THY1: variants seen among roughly 807,000 people sequenced by gnomAD.
The protein encoded by THY1 is thy-1 membrane glycoprotein.
A neutral mutation model predicts 14.9 loss-of-function variants in THY1; 10 were observed. That is an observed-to-expected ratio of 0.67 (90% CI 0.41 to 1.14). THY1 has a LOEUF of 1.14. THY1 is among the 50% of genes most tolerant of loss of function. The pLI is 0.00. For missense variants in THY1, 159 were observed against 202.1 expected, an observed-to-expected ratio of 0.79 and a Z score of 1.29; for synonymous variants, 80 against 90.0, an observed-to-expected ratio of 0.89 and a Z score of 0.63.
chr11:119,418,182 T>A lies in THY1; in HGVS notation c.*1226A>T, dbSNP rs1861815056. 6.6e-6 allele frequency: 1 copy of A among 152,558 alleles called. No homozygotes were observed. The highest frequency in any genetic ancestry group is 1.5e-5 in the Non-Finnish European group (1 of 68,348). The allele number at this position is 152,558 out of a possible 1,614,324, so 9.5% of individuals were successfully genotyped here. On this transcript the variant is annotated 3_prime_UTR_variant, in exon 4 of 4. Coordinates refer to ENST00000284240, the MANE Select transcript of THY1 (RefSeq NM_006288.5). Reference sequence around the variant, plus strand: ...AGGCCAGGTGGACACGAGGACAGATTCCAGAGGCTTGGTTTTATTGTGCAG... The same window carrying A: ...AGGCCAGGTGGACACGAGGACAGATACCAGAGGCTTGGTTTTATTGTGCAG...
chr11:119,421,022 A>AT, intron 1 of THY1, 93 bp from the exon 2 acceptor site: 8 of 1,102,612 alleles, frequency 7.3e-6, no homozygotes, highest in Non-Finnish European at 1.1e-5. Context: ...TGGCTATGGC[A>AT]GTCATCTAAG....
rs947970647 is a variant in THY1, at chr11:119,418,789, G to T, written c.*619C>A. On this transcript the variant is annotated 3_prime_UTR_variant, in exon 4 of 4. Transcript: ENST00000284240. ...AGGCCTCTGAGGGACTTCCACAGTG[G>T]TAAGGAGGGCTGCCCTTTTTATTTT... The T allele has an allele frequency of 6.2e-6, 1 of 160,698 alleles. No homozygotes were observed. Among genetic ancestry groups the T allele is most frequent in the Non-Finnish European group, 1.4e-5 (1 of 73,202 alleles). 10.0% of individuals were successfully genotyped at this position (160,698 alleles called of 1,614,324 possible).
chr11:119,418,397 C>A lies in THY1; in HGVS notation c.*1011G>T, dbSNP rs912145100. 6.6e-6 allele frequency: 1 copy of A among 152,326 alleles called. No homozygotes were observed. The highest frequency in any genetic ancestry group is 1.5e-5 in the Non-Finnish European group (1 of 68,120). The allele number at this position is 152,326 out of a possible 1,614,324, so 9.4% of individuals were successfully genotyped here. A position where few individuals can be genotyped will look rare whatever the true frequency, so the allele number is the denominator to read the frequency against. On this transcript the variant is annotated 3_prime_UTR_variant, in exon 4 of 4. Coordinates refer to ENST00000284240, the MANE Select transcript of THY1 (RefSeq NM_006288.5). ...TCCCTGAGAAGGCAGGCCTGCGGGG[C>A]AGGGGGCTGTCTGAGGGGCTCAGGC...
intron 1 of THY1, 87 bp downstream of exon 1, chr11:119,423,026 G>A (rs1382997465): frequency 4.4e-6 from 2 of 455,830 alleles, no homozygotes; most frequent in South Asian, 1.5e-5. Context: ...CCCTCGGACC[G>A]TGGCCCGAAG....
intron 2 of THY1, 37 bp from the exon 3 acceptor site, chr11:119,420,423 C>T: frequency 6.4e-7 from 1 of 1,559,938 alleles, no homozygotes; most frequent in Non-Finnish European, 8.6e-7. Context: ...CTGGAGGGGC[C>T]TGCGGCACAG....
At chr11:119,419,632 A>G (rs888072454) in intron 3 of THY1, 112 bp from the exon 4 acceptor site, 35 of 813,606 alleles carry the variant, frequency 4.3e-5, no homozygotes, top group African/African-American at 1.0e-4. Flanking sequence ...GGGTACTGCA[A>G]TGTCTTAGCT....
In THY1 at chr11:119,419,069, T is replaced by C; in HGVS notation, c.*339A>G. ...AGTGGCTGGTACCCCACCATCCCAC[T>C]ACCCCTCACATGCTCTCACTCTCCA... On this transcript the variant is annotated 3_prime_UTR_variant, in exon 4 of 4. Coordinates refer to ENST00000284240, the MANE Select transcript of THY1 (RefSeq NM_006288.5). 2 of 357,640 alleles carry C rather than the reference T, an allele frequency of 5.6e-6. No individual in the cohort carries two copies. The highest frequency in any genetic ancestry group is 4.4e-5 in the South Asian group (2 of 45,528). The allele number at this position is 357,640 out of a possible 1,614,324, so 22.2% of individuals were successfully genotyped here.
chr11:119,420,823 G>C (rs1565326696), intron 2 of THY1, 46 bp downstream of exon 2: 1 of 1,612,724 alleles, frequency 6.2e-7, no homozygotes, highest in East Asian at 2.2e-5. Context: ...CTGGAGGGAA[G>C]GAAGCCAGGG....
intron 1 of THY1, 121 bp from the exon 2 acceptor site, chr11:119,421,050 C>T: frequency 2.5e-6 from 2 of 810,156 alleles, no homozygotes; most frequent in Non-Finnish European, 2.0e-6. Flanking sequence ...CTCCATTCCC[C>T]CTCTCGTCCC....
chr11:119,421,604 T>C (rs1429512), intron 1 of THY1: 36,735 of 152,202 alleles, frequency 0.24, 4,920 homozygotes, highest in Admixed American at 0.31. Flanking sequence ...GAATCTTACA[T>C]ACCCACCGGG....
rs1861762730 is a variant in THY1, at chr11:119,415,795, G to A, written c.*3613C>T. On this transcript the variant is annotated 3_prime_UTR_variant, in exon 4 of 4. Coordinates refer to ENST00000284240, the MANE Select transcript of THY1 (RefSeq NM_006288.5). Reference sequence around the variant, plus strand: ...CATTCCAGGCCTGAGAGTGTCCTGAGGCTGAGAGCCCCTGTTGAGCAGAAG... The same window carrying A: ...CATTCCAGGCCTGAGAGTGTCCTGAAGCTGAGAGCCCCTGTTGAGCAGAAG... Among the ~76,000 whole-genome samples, 1 of 152,218 alleles carries A rather than the reference G, an allele frequency of 6.6e-6. No individual in the cohort carries two copies. The highest frequency in any genetic ancestry group is 1.5e-5 in the Non-Finnish European group (1 of 68,038).
chr11:119,420,797 G>A (rs988560764), intron 2 of THY1, 72 bp downstream of exon 2: 3 of 1,574,800 alleles, frequency 1.9e-6, no homozygotes, highest in East Asian at 2.2e-5. Flanking sequence ...GAGACTGTGA[G>A]GGAGAAGCTG....
chr11:119,420,712 G>A (rs188429437), intron 2 of THY1, 157 bp downstream of exon 2: 18 of 935,416 alleles, frequency 1.9e-5, no homozygotes, highest in East Asian at 1.2e-4. Context: ...ACCTCAGGCC[G>A]TCAGAATATC....
Position 119,420,083 on chromosome 11 carries a change from G to T in THY1, c.341C>A (p.Pro114His). Residue 114 changes from proline (P) to histidine (H), a missense_variant, in exon 3 of 4, where the codon CCC becomes CAC. Pro to His is a moderately conservative substitution (Grantham distance 77). Coordinates refer to ENST00000284240, the MANE Select transcript of THY1 (RefSeq NM_006288.5). ...CALHHSGHSP[P>H]ISSQNVTVLR... is the part of the protein sequence containing the mutation. Reference sequence around the variant, plus strand: ...CACTGTGACGTTCTGGGAGGAGATGGGTGGGGAATGGCCAGAGTGGTGGAG... The same window carrying T: ...CACTGTGACGTTCTGGGAGGAGATGTGTGGGGAATGGCCAGAGTGGTGGAG... The T allele has an allele frequency of 6.2e-7, 1 of 1,614,066 alleles. No individual in the cohort carries two copies. The highest frequency in any genetic ancestry group is 8.5e-7 in the Non-Finnish European group (1 of 1,179,952).
rs1180304777 is a variant in THY1 at position 119,415,820 on chromosome 11, G to A, written c.*3588C>T. 6.6e-6 allele frequency among the ~76,000 whole-genome samples: 1 copy of A among 152,250 alleles called. No individual in the cohort carries two copies. Among genetic ancestry groups the A allele is most frequent in the East Asian group, 1.9e-4 (1 of 5,206 alleles). On this transcript the variant is annotated 3_prime_UTR_variant, in exon 4 of 4. Transcript: ENST00000284240. ...GGCTGAGAGCCCCTGTTGAGCAGAA[G>A]AGAGCTGATGGCCCTCTTGCCTGGC... is the stretch of plus-strand genomic sequence containing the variant.
chr11:119,419,034 T>A lies in THY1; in HGVS notation c.*374A>T. The A allele has an allele frequency of 3.0e-6, 1 of 338,604 alleles. No individual in the cohort carries two copies. Among genetic ancestry groups the A allele is most frequent in the South Asian group, 2.4e-5 (1 of 41,176 alleles). 21.0% of individuals were successfully genotyped at this position (338,604 alleles called of 1,614,324 possible). ...GGTTTCTGGTCCCGATGGGCAAGGATGACCCCTCCAGTGGCTGGTACCCCA... is the reference window on the plus strand; with the variant it reads ...GGTTTCTGGTCCCGATGGGCAAGGAAGACCCCTCCAGTGGCTGGTACCCCA... On this transcript the variant is annotated 3_prime_UTR_variant, in exon 4 of 4. Transcript: ENST00000284240.
rs1422922443 is a variant in THY1 at position 119,418,226 on chromosome 11, A to C, written c.*1182T>G. 6.6e-6 allele frequency: 1 copy of C among 152,356 alleles called. No individual in the cohort carries two copies. Among genetic ancestry groups the C allele is most frequent in the Non-Finnish European group, 1.5e-5 (1 of 68,134 alleles). 9.4% of individuals were successfully genotyped at this position (152,356 alleles called of 1,614,324 possible). A position where few individuals can be genotyped will look rare whatever the true frequency, so the allele number is the denominator to read the frequency against. On this transcript the variant is annotated 3_prime_UTR_variant, in exon 4 of 4. Coordinates refer to ENST00000284240, the MANE Select transcript of THY1 (RefSeq NM_006288.5). ...TGTGCAGTTTTCTTTGTCCTCAATGAGATGCCATAAGCTGTGGTGGCACTA... is the reference window on the plus strand; with the variant it reads ...TGTGCAGTTTTCTTTGTCCTCAATGCGATGCCATAAGCTGTGGTGGCACTA...
Position 119,418,318 on chromosome 11 carries a change from G to A in THY1, c.*1090C>T, listed in dbSNP as rs2135432730. 1 of 152,676 alleles carries A rather than the reference G, an allele frequency of 6.5e-6. No homozygotes were observed. Among genetic ancestry groups the A allele is most frequent in the South Asian group, 2.1e-4 (1 of 4,830 alleles). The allele number at this position is 152,676 out of a possible 1,614,324, so 9.5% of individuals were successfully genotyped here. ...GGGGTTGGGAAAAGCCATTTCCTGA[G>A]AAGTGTCCGGCTCCTGGGTCTCACT... On this transcript the variant is annotated 3_prime_UTR_variant, in exon 4 of 4. Transcript: ENST00000284240.
intron 1 of THY1, chr11:119,421,143 G>A: frequency 4.0e-6 from 2 of 500,156 alleles, no homozygotes; most frequent in East Asian, 3.2e-5. Context: ...GCCCAGTCAC[G>A]GTGTGTTTCT....
Sources: gnomAD v4.1 joint callset for allele counts (sites outside exome capture counted in the v4.1 genomes callset) on GRCh38, gnomAD v4.1.1 for gene constraint, MANE v1.5 for transcripts, NCBI Gene and HGNC (gene_info 2026-07-23, HGNC 2026-07-21) for gene names.